Variants in PROM1 observed in about 807,000 individuals in gnomAD.
The protein encoded by PROM1 is prominin-1.
In PROM1, 105 loss-of-function variants were observed where a neutral mutation model predicts 116.9. The observed-to-expected ratio is 0.90, with a 90% CI of 0.77 to 1.06. PROM1 has a LOEUF of 1.06. PROM1 is among the 50% of genes least tolerant of loss of function. The pLI, the probability that PROM1 is intolerant of heterozygous loss-of-function variation, is 0.00. For missense variants in PROM1, 1,122 were observed against 1,045.2 expected (o/e 1.07, Z -1.01); for synonymous variants, 393 against 387.0 (o/e 1.02, Z -0.18).
At chr4:16,060,385 C>T (rs1740031604) in intron 2 of PROM1, among the ~76,000 whole-genome samples, 2 of 151,622 alleles carry the variant, frequency 1.3e-5, no homozygotes, top group Non-Finnish European at 2.9e-5. Context: ...TCTCGGCTCA[C>T]CGCAACCTCC....
chr4:16,062,695 A>G (rs1402846747), intron 2 of PROM1, among the ~76,000 whole-genome samples: 2 of 152,244 alleles, frequency 1.3e-5, no homozygotes, highest in African/African-American at 4.8e-5. Flanking sequence ...TATGATTTAT[A>G]TTAGAAACAC....
At chr4:16,016,681 G>C (rs1030387336) in intron 9 of PROM1, among the ~76,000 whole-genome samples, 1 of 152,022 alleles carries the variant, frequency 6.6e-6, no homozygotes, top group Non-Finnish European at 1.5e-5. Context: ...ACCAATACTG[G>C]GACGAACATC....
At chr4:16,038,457 C>A (rs1734431340) in intron 3 of PROM1, among the ~76,000 whole-genome samples, 1 of 152,172 alleles carries the variant, frequency 6.6e-6, no homozygotes, top group African/African-American at 2.4e-5. Context: ...GGCTGGAGTA[C>A]AATGGCACCA....
chr4:16,045,935 T>G (rs1019058907), intron 2 of PROM1, among the ~76,000 whole-genome samples: 2 of 152,182 alleles, frequency 1.3e-5, no homozygotes, highest in Non-Finnish European at 2.9e-5. Flanking sequence ...GCCTACCAAC[T>G]GAATTGTCCT....
chr4:16,025,545 T>A (rs1457883262), intron 5 of PROM1, among the ~76,000 whole-genome samples: 1 of 152,216 alleles, frequency 6.6e-6, no homozygotes, highest in African/African-American at 2.4e-5. Context: ...AAATTTCCAT[T>A]CTGTTCAAAA....
chr4:16,046,576 G>A (rs1175290569), intron 2 of PROM1, among the ~76,000 whole-genome samples: 3 of 152,188 alleles, frequency 2.0e-5, no homozygotes, highest in African/African-American at 7.2e-5. Context: ...TTGAATCAGC[G>A]TAGGAGATAT....
chr4:15,989,828 CAAA>C lies in PROM1; in HGVS notation c.1984-7_1984-5del. 6.3e-7 allele frequency: 1 copy of C among 1,589,244 alleles called. No individual in the cohort carries two copies. The highest frequency in any genetic ancestry group is 1.7e-5 in the Admixed American group (1 of 57,258). On this transcript the variant is annotated splice_polypyrimidine_tract_variant and splice_region_variant and intron_variant, in intron 18 of 27. Coordinates refer to ENST00000447510, the MANE Select transcript of PROM1 (RefSeq NM_006017.3). ...AGTTCCTCAAATTTCCTGGGGGCTA[CAAA>C]AAGAATAAAAAACAAAGATCAATAC...
intron 2 of PROM1, among the ~76,000 whole-genome samples, chr4:16,054,909 A>G (rs1738660531): frequency 6.6e-6 from 1 of 152,112 alleles, no homozygotes; most frequent in African/African-American, 2.4e-5. Flanking sequence ...TCCTCAGCTG[A>G]TTTCCCTCAT....
rs569795590 is a variant in PROM1, at chr4:16,032,781, C to A, written c.509+523G>T. Among the ~76,000 whole-genome samples the A allele has an allele frequency of 3.2e-4, 48 of 152,278 alleles. 1 individual carries two copies. Among genetic ancestry groups the A allele is most frequent in the Admixed American group, 3.1e-3 (48 of 15,296 alleles). On this transcript the variant is annotated intron_variant, in intron 5 of 27. Transcript: ENST00000447510. ...CCTAAATCGTGAAGTGTGTTCCAGA[C>A]TTAAGGGAGGGTAGCGGATTAACAG...
At chr4:16,060,515 A>T (rs890450947) in intron 2 of PROM1, among the ~76,000 whole-genome samples, 1 of 152,046 alleles carries the variant, frequency 6.6e-6, no homozygotes, top group Non-Finnish European at 1.5e-5. Context: ...GGGTTTCGCC[A>T]TGTTGCCCAG....
chr4:16,046,852 C>T (rs1736663591), intron 2 of PROM1, among the ~76,000 whole-genome samples: 1 of 152,148 alleles, frequency 6.6e-6, no homozygotes, highest in South Asian at 2.1e-4. Context: ...GGTGACTTTG[C>T]TCATTTGATT....
Position 16,035,762 on chromosome 4 carries a change from C to CTACA in PROM1, c.277-2_277-1insTGTA, listed in dbSNP as rs1733816396. On this transcript the variant is annotated splice_acceptor_variant, in intron 3 of 27. Transcript: ENST00000447510. LOFTEE classifies it high-confidence loss of function. ...TTAGACCTAAGATTACAGTTTCTGGCTGTAGAAGTCAACGCAGGTGAGGAA... is the reference window on the plus strand; with the variant it reads ...TTAGACCTAAGATTACAGTTTCTGGCTACATGTAGAAGTCAACGCAGGTGAGGAA... The CTACA allele has an allele frequency of 6.2e-7, 1 of 1,613,490 alleles. No individual in the cohort carries two copies. The highest frequency in any genetic ancestry group is 1.3e-5 in the African/African-American group (1 of 75,034).
Position 16,018,418 on chromosome 4 carries a change from TG to T in PROM1, c.906del (p.Asn303MetfsTer21). 6.2e-7 allele frequency: 1 copy of T among 1,613,814 alleles called. No individual in the cohort carries two copies. The highest frequency in any genetic ancestry group is 8.5e-7 in the Non-Finnish European group (1 of 1,179,828). On this transcript the variant is annotated frameshift_variant, in exon 9 of 28. Transcript: ENST00000447510. LOFTEE classifies it high-confidence loss of function. ...TSVKTSLRSS[L>X]NDPLCLVHPS... Reference sequence around the variant, plus strand: ...GGATGCACCAAGCACAGAGGGTCATTGAGAGATGACCGCAGGCTAGTTTTCA... The same window carrying T: ...GGATGCACCAAGCACAGAGGGTCATTAGAGATGACCGCAGGCTAGTTTTCA...
At chr4:16,058,637 A>G (rs1376341215) in intron 2 of PROM1, among the ~76,000 whole-genome samples, 1 of 148,764 alleles carries the variant, frequency 6.7e-6, no homozygotes, top group Non-Finnish European at 1.5e-5. Flanking sequence ...ACAGAATAAG[A>G]CTCCATCTCC....
chr4:16,010,608 T>A (rs1054952989), intron 11 of PROM1, among the ~76,000 whole-genome samples: 3 of 152,028 alleles, frequency 2.0e-5, no homozygotes, highest in Admixed American at 2.0e-4. Context: ...GGCTCAAGGA[T>A]CCTCCCACCT....
At chr4:15,978,061 A>G (rs1716685517) in intron 26 of PROM1, among the ~76,000 whole-genome samples, 2 of 152,180 alleles carry the variant, frequency 1.3e-5, no homozygotes, top group African/African-American at 4.8e-5. Context: ...GACCCCAAGG[A>G]GCCAGCTTGC....
intron 2 of PROM1, among the ~76,000 whole-genome samples, chr4:16,053,111 G>A (rs1373349356): frequency 6.6e-6 from 1 of 152,212 alleles, no homozygotes; most frequent in Non-Finnish European, 1.5e-5. Context: ...TGTCATATTT[G>A]CATGTGGTTA....
intron 15 of PROM1, among the ~76,000 whole-genome samples, chr4:15,997,456 GT>G (rs900297800): frequency 2.7e-5 from 4 of 150,544 alleles, no homozygotes; most frequent in South Asian, 2.1e-4. Flanking sequence ...TATATACATA[GT>G]TTTTTTGTTT....
At chr4:16,013,468 T>C in intron 10 of PROM1, 130 bp from the exon 11 acceptor site, 2 of 660,754 alleles carry the variant, frequency 3.0e-6, no homozygotes, top group South Asian at 1.9e-5. Flanking sequence ...AAGGGTGAAA[T>C]GATCATTATA....
Sources: allele counts gnomAD v4.1 joint callset (sites outside exome capture counted in the v4.1 genomes callset), GRCh38; gene constraint gnomAD v4.1.1; transcripts MANE v1.5; gene names NCBI Gene and HGNC (gene_info 2026-07-23, HGNC 2026-07-21).